The following GLI3 variants were observed in gnomAD, a reference collection of about 807,000 sequenced individuals.
The protein encoded by GLI3 is transcription activator GLI3.
In GLI3, 20 loss-of-function variants were observed where a neutral mutation model predicts 100.8. That is an observed-to-expected ratio of 0.20 (90% CI 0.14 to 0.29). The LOEUF is 0.29. GLI3 is among the 10% of genes least tolerant of loss of function. The probability of loss-of-function intolerance (pLI) is 1.00; values close to 1 mark genes in which losing one functional copy is unlikely to be tolerated. For synonymous variants in GLI3, 938 were observed against 860.5 expected, an observed-to-expected ratio of 1.09 and a Z score of -1.58; for missense variants, 2,040 against 2,128.5, an observed-to-expected ratio of 0.96 and a Z score of 0.82.
chr7:42,167,340 T>C (rs1583615875), intron 2 of GLI3, among the ~76,000 whole-genome samples: 1 of 152,326 alleles, frequency 6.6e-6, no homozygotes, highest in East Asian at 1.9e-4. Context: ...CAGCATTGAT[T>C]TTCCATCTGT....
At chr7:42,207,614 G>GA (rs1164849673) in intron 2 of GLI3, among the ~76,000 whole-genome samples, 3 of 151,696 alleles carry the variant, frequency 2.0e-5, no homozygotes, top group East Asian at 1.9e-4. Context: ...ATTCACAATT[G>GA]AAAAAAAATG....
intron 2 of GLI3, among the ~76,000 whole-genome samples, chr7:42,158,506 T>TGGGG (rs1190105270): frequency 1.3e-5 from 2 of 151,990 alleles, no homozygotes; most frequent in East Asian, 3.9e-4. Context: ...TTTTTTTTTT[T>TGGGG]GGGATGGACT....
chr7:42,256,517 T>C (rs77099249), intron 1 of GLI3, among the ~76,000 whole-genome samples: 2,325 of 152,306 alleles, frequency 0.015, 56 homozygotes, highest in African/African-American at 0.052. Context: ...CAAAGACTGC[T>C]GTACCAATCG....
At chr7:41,990,565 A>G (rs1433228813) in intron 10 of GLI3, among the ~76,000 whole-genome samples, 5 of 152,240 alleles carry the variant, frequency 3.3e-5, no homozygotes, top group Non-Finnish European at 1.5e-5. Context: ...AAATTCTGAT[A>G]TAATTTTGAT....
chr7:42,115,318 T>A (rs1276587708), intron 3 of GLI3, among the ~76,000 whole-genome samples: 1 of 151,934 alleles, frequency 6.6e-6, no homozygotes, highest in African/African-American at 2.4e-5. Context: ...TTTTGTATTT[T>A]TAGTAGAGAC....
chr7:42,133,200 T>A (rs1328818803), intron 3 of GLI3, among the ~76,000 whole-genome samples: 3 of 152,184 alleles, frequency 2.0e-5, no homozygotes, highest in Non-Finnish European at 2.9e-5. Flanking sequence ...GAAAACAAAC[T>A]TATGACTCCT....
Position 41,972,367 on chromosome 7 carries a change from C to A in GLI3, c.2073G>T (p.Gln691His), listed in dbSNP as rs199653814. The change falls in exon 13 of 15, where the codon CAG becomes CAT. Residue 691 changes from glutamine to histidine, a missense_variant. Physicochemically the swap from Gln to His is conservative, Grantham distance 24. Transcript: ENST00000395925. This position sits in a 1 kb window ranked among gnomAD's most constrained non-coding sequence, Gnocchi z 4.4. ...GCTTCTCTGCCTTGACGGTTTTCAC[C>A]TGGAGGCATTCTTCCCGCTTTGAGG... ...NTTSKREECLQVKTVKAEKPM... is the reference protein window; with the variant it reads ...NTTSKREECLHVKTVKAEKPM... 6.2e-7 allele frequency: 1 copy of A among 1,614,088 alleles called. No individual in the cohort carries two copies. Among genetic ancestry groups the A allele is most frequent in the Non-Finnish European group, 8.5e-7 (1 of 1,180,020 alleles).
intron 3 of GLI3, among the ~76,000 whole-genome samples, chr7:42,130,164 G>C (rs369874809): frequency 6.6e-6 from 1 of 152,036 alleles, no homozygotes; most frequent in Non-Finnish European, 1.5e-5. Flanking sequence ...AGCCCTCTTC[G>C]TTCTGGCATG....
At chr7:42,057,462 C>A (rs759277547) in intron 4 of GLI3, among the ~76,000 whole-genome samples, 1 of 152,212 alleles carries the variant, frequency 6.6e-6, no homozygotes, top group Non-Finnish European at 1.5e-5. Context: ...TATATTCCAG[C>A]AATCCTTTTC....
chr7:42,233,334 T>C (rs1440045138), intron 1 of GLI3, among the ~76,000 whole-genome samples: 9 of 152,206 alleles, frequency 5.9e-5, no homozygotes, highest in African/African-American at 1.2e-4. Flanking sequence ...CAGGAACACA[T>C]AGCATATTTA....
intron 4 of GLI3, among the ~76,000 whole-genome samples, chr7:42,065,730 C>T (rs1176117315): frequency 6.6e-6 from 1 of 152,110 alleles, no homozygotes; most frequent in African/African-American, 2.4e-5. Flanking sequence ...AGCTAGTGGG[C>T]TCCCCTCTCA....
intron 3 of GLI3, among the ~76,000 whole-genome samples, chr7:42,090,154 C>A (rs375348357): frequency 1.3e-5 from 2 of 152,156 alleles, no homozygotes; most frequent in Middle Eastern, 3.4e-3. Flanking sequence ...AATGCTACAC[C>A]TATATAGAGC....
At position 41,972,752 on chromosome 7, in the gene GLI3, G is replaced by A; in HGVS notation, c.1813-125C>T. 1 of 779,564 alleles carries A rather than the reference G, an allele frequency of 1.3e-6. No individual in the cohort carries two copies. The highest frequency in any genetic ancestry group is 2.2e-6 in the Non-Finnish European group (1 of 458,598). 48.3% of individuals were successfully genotyped at this position (779,564 alleles called of 1,614,324 possible). A position where few individuals can be genotyped will look rare whatever the true frequency, so the allele number is the denominator to read the frequency against. ...TCAAAACACTTTCACAAGGCTTTGAGGTGTTCAGATACCTCTAGGAACTAA... is the reference window on the plus strand; with the variant it reads ...TCAAAACACTTTCACAAGGCTTTGAAGTGTTCAGATACCTCTAGGAACTAA... On this transcript the variant is annotated intron_variant, in intron 12 of 14. Coordinates refer to ENST00000395925, the MANE Select transcript of GLI3 (RefSeq NM_000168.6). This position sits in a 1 kb window ranked among gnomAD's most constrained non-coding sequence, Gnocchi z 4.4.
At chr7:42,078,431 C>T (rs1354607011) in intron 3 of GLI3, among the ~76,000 whole-genome samples, 1 of 152,114 alleles carries the variant, frequency 6.6e-6, no homozygotes, top group Admixed American at 6.6e-5. Context: ...AAACGATGAG[C>T]ATAGCATTCA....
chr7:42,181,376 G>GGA (rs1787588802), intron 2 of GLI3, among the ~76,000 whole-genome samples: 1 of 152,094 alleles, frequency 6.6e-6, no homozygotes, highest in Admixed American at 6.5e-5. Context: ...TGAGGTGGGT[G>GGA]GATATCTTGA....
At chr7:42,027,355 T>C (rs892768005) in intron 7 of GLI3, among the ~76,000 whole-genome samples, 1 of 152,098 alleles carries the variant, frequency 6.6e-6, no homozygotes, top group Non-Finnish European at 1.5e-5. Flanking sequence ...TTTAAAAAAA[T>C]AATCAGTGAA....
At chr7:41,996,541 A>G (rs1788130320) in intron 10 of GLI3, among the ~76,000 whole-genome samples, 1 of 152,210 alleles carries the variant, frequency 6.6e-6, no homozygotes, top group Non-Finnish European at 1.5e-5. Flanking sequence ...TATCCCAGAG[A>G]GAGGAAAACC....
At chr7:42,034,800 C>T (rs1384188403) in intron 7 of GLI3, among the ~76,000 whole-genome samples, 1 of 152,068 alleles carries the variant, frequency 6.6e-6, no homozygotes, top group Non-Finnish European at 1.5e-5. Context: ...TCCTTTGCTC[C>T]TTTGTTCATT....
intron 2 of GLI3, among the ~76,000 whole-genome samples, chr7:42,171,358 A>G (rs1162271365): frequency 6.6e-6 from 1 of 152,254 alleles, no homozygotes; most frequent in Non-Finnish European, 1.5e-5. Flanking sequence ...AATAGGCCTA[A>G]GTACAGAAGA....
Sources: gnomAD v4.1 joint callset for allele counts (sites outside exome capture counted in the v4.1 genomes callset) on GRCh38, gnomAD v4.1.1 for gene constraint, Gnocchi (gnomAD v3.1) non-coding constraint, MANE v1.5 for transcripts, NCBI Gene and HGNC (gene_info 2026-07-23, HGNC 2026-07-21) for gene names.